The following OSTM1 variants were observed in gnomAD, a reference collection of about 807,000 sequenced individuals.
OSTM1 encodes osteopetrosis-associated transmembrane protein 1.
In OSTM1, 26 loss-of-function variants were observed where a neutral mutation model predicts 35.4. The observed-to-expected ratio is 0.73, with a 90% CI of 0.54 to 1.02. OSTM1 has a LOEUF of 1.02. OSTM1 is among the 50% of genes least tolerant of loss of function. The probability of loss-of-function intolerance (pLI) is 0.00; values close to 1 mark genes in which losing one functional copy is unlikely to be tolerated. For missense variants in OSTM1, 366 were observed against 409.6 expected (o/e 0.89, Z 0.92); for synonymous variants, 181 against 165.0 (o/e 1.10, Z -0.75).
Position 108,044,512 on chromosome 6 carries a change from AAAT to A in OSTM1, c.*270_*272del, listed in dbSNP as rs879808420. 9 of 262,094 alleles carry A rather than the reference AAAT, an allele frequency of 3.4e-5. No individual in the cohort carries two copies. Among genetic ancestry groups the A allele is most frequent in the South Asian group, 1.2e-4 (1 of 8,686 alleles). The allele number at this position is 262,094 out of a possible 1,614,324, so 16.2% of individuals were successfully genotyped here. A position where few individuals can be genotyped will look rare whatever the true frequency, so the allele number is the denominator to read the frequency against. On this transcript the variant is annotated 3_prime_UTR_variant, in exon 6 of 6. Transcript: ENST00000193322. ...ATAGTAATCAAATGCCTATAAAATA[AAAT>A]AATGATTGTTCTTGCATGTTCTGTT...
intron 5 of OSTM1, among the ~76,000 whole-genome samples, chr6:108,047,543 G>A (rs1402849750): frequency 1.3e-5 from 2 of 152,246 alleles, no homozygotes; most frequent in Admixed American, 6.5e-5. Context: ...TAGCCACTAT[G>A]TGGCGTATGG....
chr6:108,064,149 C>A (rs576395670), intron 2 of OSTM1, 36 bp downstream of exon 2: 94 of 1,048,182 alleles, frequency 9.0e-5, no homozygotes, highest in Non-Finnish European at 1.2e-4. Flanking sequence ...TACTACTGAA[C>A]CATAACTGCA....
rs889917216 is a variant in OSTM1 at position 108,051,381 on chromosome 6, G to A, written c.616-183C>T. On this transcript the variant is annotated intron_variant, in intron 3 of 5. Transcript: ENST00000193322. ...AGTTTTATCATCTATAAAATAAAAC[G>A]ACCTCTACCTGTATTATAAGTCCGA... is the stretch of plus-strand genomic sequence containing the variant. Among the ~76,000 whole-genome samples the A allele has an allele frequency of 3.3e-5, 5 of 152,074 alleles. No homozygotes were observed. In the East Asian group the frequency reaches 9.6e-4, roughly 29 times the overall value.
chr6:108,052,311 T>C (rs1028632829), intron 3 of OSTM1, among the ~76,000 whole-genome samples: 2 of 151,824 alleles, frequency 1.3e-5, no homozygotes, highest in Non-Finnish European at 1.5e-5. Flanking sequence ...CGGGCACCTG[T>C]AGTCCCAGCT....
chr6:108,074,343 C>T lies in OSTM1; in HGVS notation c.309G>A (p.Val103=). ...NSSAELTGCL[V]RSARPVRLCQ... ...AGAGGCGCACGGGCCGGGCGCTGCG[C>T]ACCAGACACCCTGTCAGCTCTGCGC... The change falls in exon 1 of 6, where the codon GTG becomes GTA. Residue 103 remains valine (V), a synonymous_variant. Coordinates refer to ENST00000193322, the MANE Select transcript of OSTM1 (RefSeq NM_014028.4). 1.2e-6 allele frequency: 2 copies of T among 1,608,690 alleles called. No individual in the cohort carries two copies. Among genetic ancestry groups the T allele is most frequent in the Non-Finnish European group, 1.7e-6 (2 of 1,178,346 alleles).
chr6:108,066,673 G>A (rs1416898941), intron 1 of OSTM1, among the ~76,000 whole-genome samples: 2 of 152,174 alleles, frequency 1.3e-5, no homozygotes, highest in Non-Finnish European at 2.9e-5. Flanking sequence ...AATGGAAGAT[G>A]AGGACATGGG....
At chr6:108,072,039 C>T (rs1466990004) in intron 1 of OSTM1, among the ~76,000 whole-genome samples, 2 of 152,148 alleles carry the variant, frequency 1.3e-5, no homozygotes, top group Non-Finnish European at 2.9e-5. Flanking sequence ...CTCTTTAATT[C>T]CACAGTACCT....
At chr6:108,064,398 C>T in intron 1 of OSTM1, 99 bp from the exon 2 acceptor site, 1 of 721,974 alleles carries the variant, frequency 1.4e-6, no homozygotes, top group South Asian at 1.5e-5. Flanking sequence ...TTATTATAAG[C>T]TTTTTAACAT....
chr6:108,058,884 G>C (rs1289366332), intron 2 of OSTM1, among the ~76,000 whole-genome samples: 1 of 152,180 alleles, frequency 6.6e-6, no homozygotes, highest in African/African-American at 2.4e-5. Flanking sequence ...TTAACTGAAA[G>C]TTAGTTTTCC....
chr6:108,050,099 T>A (rs1277108683), intron 4 of OSTM1, among the ~76,000 whole-genome samples: 1 of 152,166 alleles, frequency 6.6e-6, no homozygotes, highest in Admixed American at 6.5e-5. Context: ...AAAAAAAATT[T>A]TTTTTGACCA....
At chr6:108,061,683 G>A (rs1432009328) in intron 2 of OSTM1, among the ~76,000 whole-genome samples, 2 of 151,296 alleles carry the variant, frequency 1.3e-5, no homozygotes, top group Middle Eastern at 3.2e-3. Flanking sequence ...TTGCCACCAT[G>A]CCCAGCTAAT....
At chr6:108,062,694 A>G (rs1772304044) in intron 2 of OSTM1, among the ~76,000 whole-genome samples, 1 of 151,860 alleles carries the variant, frequency 6.6e-6, no homozygotes, top group African/African-American at 2.4e-5. Flanking sequence ...AAGTCCAGTT[A>G]ATTTTTTATT....
intron 3 of OSTM1, 25 bp downstream of exon 3, chr6:108,054,465 A>G (rs567200321): frequency 2.8e-6 from 3 of 1,084,086 alleles, no homozygotes; most frequent in Admixed American, 1.8e-5. Context: ...CAGCATTTTA[A>G]TTTTAAATAT....
intron 1 of OSTM1, among the ~76,000 whole-genome samples, chr6:108,073,308 A>G (rs1003863872): frequency 1.3e-5 from 2 of 152,176 alleles, no homozygotes; most frequent in Non-Finnish European, 2.9e-5. Flanking sequence ...GTTATTCCTC[A>G]TGTTTTTCCT....
At chr6:108,065,171 T>C (rs1772355035) in intron 1 of OSTM1, among the ~76,000 whole-genome samples, 1 of 151,586 alleles carries the variant, frequency 6.6e-6, no homozygotes, top group Admixed American at 6.6e-5. Context: ...GAACAGAACA[T>C]TTTAAAACTC....
At chr6:108,066,586 G>A (rs1396134412) in intron 1 of OSTM1, among the ~76,000 whole-genome samples, 2 of 152,192 alleles carry the variant, frequency 1.3e-5, no homozygotes, top group Non-Finnish European at 2.9e-5. Flanking sequence ...AACACTGGCA[G>A]TATTGGTGAC....
chr6:108,062,659 G>T (rs1772303238), intron 2 of OSTM1, among the ~76,000 whole-genome samples: 1 of 150,688 alleles, frequency 6.6e-6, no homozygotes, highest in Non-Finnish European at 1.5e-5. Flanking sequence ...CTCCCAAGTT[G>T]CTGGGACTAC....
rs751814564 is a variant in OSTM1 at position 108,049,398 on chromosome 6, T to C, written c.804A>G (p.Leu268=). Residue 268 remains leucine, a synonymous_variant, in exon 5 of 6, where the codon CTA becomes CTG. Transcript: ENST00000193322. ...CTGAACAGTTGAAAGTTCGACTCCA[T>C]AGTTTTCGAGTGATGTTCATCTGGA... ...VEDAMNITRK[L]WSRTFNCSVP... is the part of the protein sequence containing the mutation. 1.9e-5 allele frequency: 30 copies of C among 1,613,718 alleles called. No individual in the cohort carries two copies. In the South Asian group the frequency reaches 2.1e-4, roughly 11 times the overall value.
chr6:108,058,789 A>C (rs1772216620), intron 2 of OSTM1, among the ~76,000 whole-genome samples: 1 of 152,130 alleles, frequency 6.6e-6, no homozygotes, highest in African/African-American at 2.4e-5. Context: ...AAAAAAAAAA[A>C]ATGTTTTGGT....
Sources: allele counts gnomAD v4.1 joint callset (sites outside exome capture counted in the v4.1 genomes callset), GRCh38; gene constraint gnomAD v4.1.1; transcripts MANE v1.5; gene names NCBI Gene and HGNC (gene_info 2026-07-23, HGNC 2026-07-21).